Variants in ZFHX4 observed in about 807,000 individuals in gnomAD.
ZFHX4 encodes zinc finger homeobox protein 4.
A neutral mutation model predicts 267.6 loss-of-function variants in ZFHX4; 56 were observed. The observed-to-expected ratio is 0.21, with a 90% CI of 0.17 to 0.26. The LOEUF (loss-of-function observed/expected upper bound fraction) is 0.26. Among genes scored for constraint, ZFHX4 ranks in the 10% least tolerant of loss-of-function variants. The pLI is 1.00. For synonymous variants in ZFHX4, 1,778 were observed against 1,665.6 expected, an observed-to-expected ratio of 1.07 and a Z score of -1.64; for missense variants, 4,332 against 4,420.0, an observed-to-expected ratio of 0.98 and a Z score of 0.56.
In ZFHX4 at chr8:76,864,173, G is replaced by A. The variant is rs1812963027; in HGVS notation, c.10459G>A (p.Val3487Ile). 6.2e-7 allele frequency: 1 copy of A among 1,613,910 alleles called. No individual in the cohort carries two copies. The highest frequency in any genetic ancestry group is 8.5e-7 in the Non-Finnish European group (1 of 1,179,852). Residue 3487 changes from valine to isoleucine, a missense_variant, in exon 11 of 11, where the codon GTT becomes ATT. Transcript: ENST00000651372. ...KQAMRNAKEH[V>I]RLLPHSVCSP... The stretch of plus-strand genomic sequence containing the variant: ...AGCAATGAGAAATGCCAAAGAGCAT[G>A]TTAGATTATTACCTCACTCAGTCTG...
intron 4 of ZFHX4, among the ~76,000 whole-genome samples, chr8:76,783,568 C>T (rs1031212587): frequency 4.0e-5 from 6 of 151,840 alleles, no homozygotes; most frequent in African/African-American, 1.5e-4. Context: ...TTTCATTTTG[C>T]AGCATTCTTG....
chr8:76,740,250 A>G (rs546662850), intron 3 of ZFHX4, among the ~76,000 whole-genome samples: 27 of 151,912 alleles, frequency 1.8e-4, no homozygotes, highest in Non-Finnish European at 2.9e-4. Flanking sequence ...AAACATGTTT[A>G]TAATATTAAA....
chr8:76,849,483 A>C (rs375538705), intron 7 of ZFHX4, 29 bp from the exon 8 acceptor site: 5 of 1,560,266 alleles, frequency 3.2e-6, no homozygotes, highest in Non-Finnish European at 4.4e-6. Flanking sequence ...ATTAACTAAT[A>C]GTGGCCATGT....
In ZFHX4 at chr8:76,855,374, A is replaced by T. The variant is rs1812686916; in HGVS notation, c.8453A>T (p.Glu2818Val). 3 of 1,613,582 alleles carry T rather than the reference A, an allele frequency of 1.9e-6. No individual in the cohort carries two copies. The highest frequency in any genetic ancestry group is 2.5e-6 in the Non-Finnish European group (3 of 1,179,806). The change falls in exon 10 of 11, where the codon GAG (glutamate) becomes GTG (valine). Residue 2818 changes from glutamate (E) to valine (V), a missense_variant. By Grantham distance (121) the Glu-to-Val change is moderately radical. Transcript: ENST00000651372. Reference protein sequence around the residue: ...TAISDATTGDEGNTEMESTTG... With the variant: ...TAISDATTGDVGNTEMESTTG... The stretch of plus-strand genomic sequence containing the variant: ...ATCAGTGACGCCACCACCGGAGACG[A>T]GGGAAACACTGAAATGGAAAGCACC...
At chr8:76,767,709 G>A (rs192900323) in intron 3 of ZFHX4, among the ~76,000 whole-genome samples, 1 of 152,286 alleles carries the variant, frequency 6.6e-6, no homozygotes, top group African/African-American at 2.4e-5. Flanking sequence ...CTGGTGAAGG[G>A]TAGAGGAAAA....
At chr8:76,815,984 A>G (rs1386764369) in intron 4 of ZFHX4, among the ~76,000 whole-genome samples, 22 of 152,224 alleles carry the variant, frequency 1.4e-4, no homozygotes, top group Admixed American at 1.4e-3. Context: ...CTTGTCGTTA[A>G]CCTTGTTGCT....
intron 3 of ZFHX4, among the ~76,000 whole-genome samples, chr8:76,728,303 A>G (rs1271432632): frequency 1.3e-5 from 2 of 152,226 alleles, no homozygotes. Flanking sequence ...ATGACTTCAT[A>G]TAAAGTAGGC....
chr8:76,690,295 T>C (rs1807791345), intron 1 of ZFHX4, among the ~76,000 whole-genome samples: 1 of 152,104 alleles, frequency 6.6e-6, no homozygotes, highest in Admixed American at 6.6e-5. Flanking sequence ...ATTCTTTTCC[T>C]TCACTGTAAA....
chr8:76,819,528 T>C (rs1447395319), intron 4 of ZFHX4, among the ~76,000 whole-genome samples: 1 of 152,038 alleles, frequency 6.6e-6, no homozygotes, highest in Non-Finnish European at 1.5e-5. Flanking sequence ...TGAGGTGAAA[T>C]GGAGCATTCG....
At chr8:76,804,785 G>A (rs1811205393) in intron 4 of ZFHX4, among the ~76,000 whole-genome samples, 1 of 152,036 alleles carries the variant, frequency 6.6e-6, no homozygotes, top group Non-Finnish European at 1.5e-5. Flanking sequence ...ATTAAGTGAG[G>A]TGAGAGGTCA....
At chr8:76,798,793 C>T (rs1173527291) in intron 4 of ZFHX4, among the ~76,000 whole-genome samples, 8 of 152,062 alleles carry the variant, frequency 5.3e-5, no homozygotes, top group African/African-American at 1.9e-4. Context: ...CTTATTTTGA[C>T]CACATTTGAT....
chr8:76,826,107 A>G (rs1299628051), intron 4 of ZFHX4, among the ~76,000 whole-genome samples: 1 of 152,228 alleles, frequency 6.6e-6, no homozygotes, highest in Non-Finnish European at 1.5e-5. Flanking sequence ...TGGCCTCAGT[A>G]AGCTTCCAAT....
chr8:76,794,768 C>T (rs986158521), intron 4 of ZFHX4, among the ~76,000 whole-genome samples: 6 of 149,806 alleles, frequency 4.0e-5, no homozygotes, highest in Admixed American at 2.7e-4. Context: ...TAAAGGTAGC[C>T]GTTTTAATAT....
At chr8:76,831,860 A>G (rs1811941253) in intron 4 of ZFHX4, among the ~76,000 whole-genome samples, 1 of 152,158 alleles carries the variant, frequency 6.6e-6, no homozygotes, top group African/African-American at 2.4e-5. Flanking sequence ...AGTTGTCAAG[A>G]GAAAAAAGGT....
Position 76,835,245 on chromosome 8 carries a change from A to ATATATATATATG in ZFHX4, c.3394+1850_3394+1851insGTATATATATAT, listed in dbSNP as rs1554572198. On this transcript the variant is annotated intron_variant, in intron 5 of 10. Coordinates refer to ENST00000651372, the MANE Select transcript of ZFHX4 (RefSeq NM_024721.5). ...TATATATATATATATATATATGTAT[A>ATATATATATATG]TATATATATATATATTCATACATAT... Among the ~76,000 whole-genome samples, 516 of 129,092 alleles carry ATATATATATATG rather than the reference A, an allele frequency of 4.0e-3. 12 individuals carry two copies. The highest frequency in any genetic ancestry group is 0.01 in the African/African-American group (329 of 32,538). The allele number at this position is 129,092 out of a possible 152,430, so 84.7% of individuals were successfully genotyped here.
intron 10 of ZFHX4, among the ~76,000 whole-genome samples, chr8:76,856,813 C>T (rs1812740793): frequency 6.6e-6 from 1 of 152,164 alleles, no homozygotes; most frequent in Admixed American, 6.5e-5. Flanking sequence ...TATTCACCCA[C>T]ATGGTTCCTA....
rs776098795 is a variant in ZFHX4, at chr8:76,864,277, C to A, written c.10563C>A (p.Phe3521Leu). The A allele has an allele frequency of 6.2e-7, 1 of 1,613,884 alleles. No individual in the cohort carries two copies. The highest frequency in any genetic ancestry group is 8.5e-7 in the Non-Finnish European group (1 of 1,179,848). The change falls in exon 11 of 11, where the codon TTC (phenylalanine) becomes TTA (leucine). Residue 3521 changes from phenylalanine (F) to leucine (L), a missense_variant. Physicochemically the swap from Phe to Leu is conservative, Grantham distance 22. Around this residue, in one of 7 missense-constraint regions of ZFHX4, gnomAD observed 1,648 missense variants for 1,625.0 expected, o/e 1.01. Transcript: ENST00000651372. ...ACACCTATCCTCATCTTTCTTGCTT[C>A]TCCATGAAGTCCTGGCCTAATATCC... The part of the protein sequence containing the change: ...SNNTYPHLSC[F>L]SMKSWPNILF...
At chr8:76,789,557 C>T (rs933619715) in intron 4 of ZFHX4, among the ~76,000 whole-genome samples, 7 of 152,068 alleles carry the variant, frequency 4.6e-5, no homozygotes, top group Admixed American at 3.9e-4. Context: ...TTGATTTATA[C>T]AGTCAAAGTA....
intron 3 of ZFHX4, among the ~76,000 whole-genome samples, chr8:76,764,971 A>T (rs1475779475): frequency 1.3e-5 from 2 of 152,062 alleles, no homozygotes; most frequent in African/African-American, 4.8e-5. Context: ...CTGAGACATT[A>T]TTTCTTAAAA....
Sources: allele counts gnomAD v4.1 joint callset (sites outside exome capture counted in the v4.1 genomes callset), GRCh38; gene constraint gnomAD v4.1.1; regional missense constraint gnomAD v4.1.1; transcripts MANE v1.5; gene names NCBI Gene and HGNC (gene_info 2026-07-23, HGNC 2026-07-21).